Variants in NRG1 observed in about 807,000 individuals in gnomAD.
NRG1 encodes neuregulin 1.
In NRG1, 18 loss-of-function variants were observed where a neutral mutation model predicts 63.8. That is an observed-to-expected ratio of 0.28 (90% CI 0.19 to 0.42). NRG1 has a LOEUF of 0.42. Among genes scored for constraint, NRG1 ranks in the 10% least tolerant of loss-of-function variants. NRG1 has a pLI of 1.00. For missense variants in NRG1, 762 were observed against 814.7 expected, an observed-to-expected ratio of 0.94 and a Z score of 0.79; for synonymous variants, 302 against 301.3, an observed-to-expected ratio of 1.00 and a Z score of -0.02.
chr8:31,902,040 A>G (rs1303513638), intron 1 of NRG1, among the ~76,000 whole-genome samples: 1 of 152,228 alleles, frequency 6.6e-6, no homozygotes, highest in Admixed American at 6.5e-5. Context: ...TTTATGTTGT[A>G]TTCAGAACTG....
intron 1 of NRG1, among the ~76,000 whole-genome samples, chr8:32,300,021 T>C (rs1003180336): frequency 6.6e-6 from 1 of 152,162 alleles, no homozygotes; most frequent in African/African-American, 2.4e-5. Context: ...ATATAAATAA[T>C]TGAACAATAG....
intron 1 of NRG1, among the ~76,000 whole-genome samples, chr8:32,038,164 A>G (rs1819376109): frequency 6.6e-6 from 1 of 152,198 alleles, no homozygotes; most frequent in Non-Finnish European, 1.5e-5. Context: ...GCAGAGATCC[A>G]TGGGAAAAGC....
At chr8:32,474,692 G>A (rs1824281316) in intron 1 of NRG1, among the ~76,000 whole-genome samples, 2 of 151,818 alleles carry the variant, frequency 1.3e-5, no homozygotes, top group Admixed American at 6.6e-5. Context: ...TTTTAGTAGA[G>A]GTGGGGTTTC....
At chr8:31,782,249 T>G (rs1458388940) in intron 1 of NRG1, among the ~76,000 whole-genome samples, 1 of 152,150 alleles carries the variant, frequency 6.6e-6, no homozygotes, top group Non-Finnish European at 1.5e-5. Flanking sequence ...TACCTTACTC[T>G]GCTGGAAAGC....
chr8:32,745,906 T>G (rs1827347032), intron 7 of NRG1, among the ~76,000 whole-genome samples: 1 of 152,218 alleles, frequency 6.6e-6, no homozygotes, highest in Admixed American at 6.5e-5. Flanking sequence ...TTTAGGAATA[T>G]TCTCACACTG....
At chr8:31,929,995 T>A (rs763744529) in intron 1 of NRG1, among the ~76,000 whole-genome samples, 37 of 152,228 alleles carry the variant, frequency 2.4e-4, no homozygotes, top group Non-Finnish European at 5.1e-4. Context: ...CTCCAGGCAG[T>A]ATGCCTTGGA....
At chr8:32,359,175 A>G (rs1489329613) in intron 1 of NRG1, among the ~76,000 whole-genome samples, 5 of 152,134 alleles carry the variant, frequency 3.3e-5, no homozygotes, top group Non-Finnish European at 7.4e-5. Flanking sequence ...GCGTAATGAT[A>G]CTTATCTTTT....
chr8:32,646,645 G>A (rs2129546633), intron 5 of NRG1: 1 of 973,302 alleles, frequency 1.0e-6, no homozygotes, highest in Non-Finnish European at 1.2e-6. Context: ...ACTGAAAGCT[G>A]GCAAGGTGGG....
At chr8:31,683,588 A>G (rs970709071) in intron 1 of NRG1, among the ~76,000 whole-genome samples, 8 of 152,162 alleles carry the variant, frequency 5.3e-5, no homozygotes, top group Non-Finnish European at 1.2e-4. Flanking sequence ...AGGGCGGTGA[A>G]ACTATTTTTT....
intron 1 of NRG1, among the ~76,000 whole-genome samples, chr8:31,762,289 T>C (rs1817639610): frequency 1.3e-5 from 2 of 152,198 alleles, no homozygotes; most frequent in Non-Finnish European, 1.5e-5. Flanking sequence ...TGTGAGAACA[T>C]GTGGTGTCTG....
At chr8:32,765,706 A>G (rs1029834381) in exon 12 of NRG1, 3 of 152,138 alleles carry the variant, frequency 2.0e-5, no homozygotes, top group African/African-American at 7.2e-5. Flanking sequence ...CCTGTTGGAA[A>G]GATTGCACCT....
At chr8:31,649,267 C>G (rs1418207313) in intron 1 of NRG1, among the ~76,000 whole-genome samples, 3 of 152,094 alleles carry the variant, frequency 2.0e-5, no homozygotes, top group Non-Finnish European at 4.4e-5. Context: ...TATGGTAGTT[C>G]TAGGTTTGCT....
intron 1 of NRG1, among the ~76,000 whole-genome samples, chr8:32,541,962 C>T (rs769654609): frequency 3.9e-5 from 6 of 152,104 alleles, no homozygotes; most frequent in Admixed American, 6.5e-5. Flanking sequence ...ATCTTAATGA[C>T]GAGAGGAAGC....
chr8:31,772,481 CA>C (rs1304406939), intron 1 of NRG1, among the ~76,000 whole-genome samples: 1 of 152,176 alleles, frequency 6.6e-6, no homozygotes, highest in Non-Finnish European at 1.5e-5. Flanking sequence ...ATTTTCTCAA[CA>C]ATCCTTCCAT....
intron 1 of NRG1, among the ~76,000 whole-genome samples, chr8:31,942,776 G>T (rs1207207317): frequency 6.6e-6 from 1 of 151,416 alleles, no homozygotes; most frequent in Non-Finnish European, 1.5e-5. Flanking sequence ...TGGCCAACAA[G>T]CATATGGAAA....
chr8:31,712,354 T>A (rs1585848317), intron 1 of NRG1, among the ~76,000 whole-genome samples: 1 of 146,740 alleles, frequency 6.8e-6, no homozygotes, highest in South Asian at 2.2e-4. Context: ...CTGCAACCTC[T>A]GCCTCCCAGG....
chr8:31,781,235 C>A (rs1000912737), intron 1 of NRG1, among the ~76,000 whole-genome samples: 1 of 152,034 alleles, frequency 6.6e-6, no homozygotes. Context: ...TGATTGAAGC[C>A]TTTCTGTGTG....
At chr8:32,667,051 G>A (rs569058033) in intron 5 of NRG1, among the ~76,000 whole-genome samples, 4 of 152,176 alleles carry the variant, frequency 2.6e-5, no homozygotes, top group Non-Finnish European at 4.4e-5. Context: ...TTTCATCGCT[G>A]TACGAACATC....
At chr8:31,706,286 T>G (rs1307494337) in intron 1 of NRG1, among the ~76,000 whole-genome samples, 1 of 152,178 alleles carries the variant, frequency 6.6e-6, no homozygotes, top group Non-Finnish European at 1.5e-5. Context: ...TCCTACTTTT[T>G]ACAAAAAATG....
Sources: gnomAD v4.1 joint callset for allele counts (sites outside exome capture counted in the v4.1 genomes callset) on GRCh38, gnomAD v4.1.1 for gene constraint, MANE v1.5 for transcripts, NCBI Gene and HGNC (gene_info 2026-07-23, HGNC 2026-07-21) for gene names.